The following ASXL1 variants were observed in gnomAD, a reference collection of about 807,000 sequenced individuals.
The protein encoded by ASXL1 is polycomb group protein ASXL1.
In ASXL1, 65 loss-of-function variants were observed where a neutral mutation model predicts 89.1. The ratio of observed to expected loss-of-function variants is 0.73; its 90% CI spans 0.60 to 0.90. ASXL1 has a LOEUF of 0.90. Among genes scored for constraint, ASXL1 ranks in the 40% least tolerant of loss-of-function variants. ASXL1 has a pLI of 0.00. For missense variants in ASXL1, 1,786 were observed against 1,942.9 expected (o/e 0.92, Z 1.52); for synonymous variants, 739 against 746.9 (o/e 0.99, Z 0.17).
Position 32,432,864 on chromosome 20 carries a change from G to A in ASXL1, c.980-16G>A, listed in dbSNP as rs772861363. ...ATCCCGAATGCACTTACTAGAAGAG[G>A]TTTATTTCTCCCTAGGTGAATTTAC... On this transcript the variant is annotated splice_polypyrimidine_tract_variant and intron_variant, in intron 10 of 12. Transcript: ENST00000375687. 1.5e-5 allele frequency: 24 copies of A among 1,613,328 alleles called. No individual in the cohort carries two copies. In the African/African-American group the frequency reaches 3.1e-4, roughly 21 times the overall value.
Position 32,435,289 on chromosome 20 carries a change from C to T in ASXL1, c.2577C>T (p.Asn859=), listed in dbSNP as rs967896927. Residue 859 remains asparagine, a synonymous_variant, in exon 13 of 13, where the codon AAC becomes AAT. Transcript: ENST00000375687. The part of the protein sequence containing the change: ...PESSPTDCLQ[N]RAFDDELGLG... The stretch of plus-strand genomic sequence containing the variant: ...CCTCACCGACTGATTGCCTGCAGAA[C>T]AGAGCATTTGATGACGAATTAGGGC... The T allele has an allele frequency of 1.9e-6, 3 of 1,614,036 alleles. No individual in the cohort carries two copies. In the African/African-American group the frequency reaches 4.0e-5, roughly 22 times the overall value.
intron 4 of ASXL1, among the ~76,000 whole-genome samples, chr20:32,398,995 T>C (rs972868335): frequency 6.6e-6 from 1 of 151,322 alleles, no homozygotes; most frequent in Non-Finnish European, 1.5e-5. Flanking sequence ...CCCAGCACTT[T>C]GGGAGGCCGA....
chr20:32,410,971 G>T (rs1006305540), intron 4 of ASXL1, among the ~76,000 whole-genome samples: 1 of 147,714 alleles, frequency 6.8e-6, no homozygotes, highest in African/African-American at 2.5e-5. Context: ...GATGGAGGTT[G>T]CAGTGAGCTG....
chr20:32,413,864 A>G (rs766707190), intron 4 of ASXL1, among the ~76,000 whole-genome samples: 2 of 152,214 alleles, frequency 1.3e-5, no homozygotes, highest in African/African-American at 2.4e-5. Context: ...CATTCTCTAC[A>G]CAATACATTT....
chr20:32,411,470 C>T lies in ASXL1; in HGVS notation c.253-16658C>T, dbSNP rs567233580. On this transcript the variant is annotated intron_variant, in intron 4 of 12. Coordinates refer to ENST00000375687, the MANE Select transcript of ASXL1 (RefSeq NM_015338.6). ...CTCCAACTCCTGGCCTCAAGCGATC[C>T]ACCCGCCTCAGCCTCCCAAAGTGCT... Among the ~76,000 whole-genome samples, 11 of 151,186 alleles carry T rather than the reference C, an allele frequency of 7.3e-5. No individual in the cohort carries two copies. The East Asian group carries it at 2.1e-3, about 29-fold the overall frequency.
At chr20:32,379,161 C>CTTTTTTTTTTTTTT (rs71187113) in intron 4 of ASXL1, among the ~76,000 whole-genome samples, 11 of 61,794 alleles carry the variant, frequency 1.8e-4, no homozygotes, top group Admixed American at 2.6e-4. Flanking sequence ...TAACTTCAGT[C>CTTTTTTTTTTTTTT]TTTTTTTTTT....
intron 1 of ASXL1, chr20:32,360,477 C>T (rs902987177): frequency 6.6e-6 from 1 of 152,362 alleles, no homozygotes; most frequent in Admixed American, 6.5e-5. Flanking sequence ...TCCTCCTCGA[C>T]AATGAGTTTT....
chr20:32,429,836 G>A lies in ASXL1; in HGVS notation c.566-65G>A, dbSNP rs2123220556. Reference sequence around the variant, plus strand: ...TCTCAGGGAGAGCTGGGAGAAATGAGCTTGTCTGAGAGCCATGGGCGCGGC... The same window carrying A: ...TCTCAGGGAGAGCTGGGAGAAATGAACTTGTCTGAGAGCCATGGGCGCGGC... On this transcript the variant is annotated intron_variant, in intron 7 of 12. Coordinates refer to ENST00000375687, the MANE Select transcript of ASXL1 (RefSeq NM_015338.6). The surrounding 1 kb of genome is among the most constrained non-coding windows in gnomAD (Gnocchi z 4.9). 1 of 1,581,156 alleles carries A rather than the reference G, an allele frequency of 6.3e-7. No homozygotes were observed. The highest frequency in any genetic ancestry group is 8.6e-7 in the Non-Finnish European group (1 of 1,165,580).
rs374899512 is a variant in ASXL1, at chr20:32,366,346, A to C, written c.58-38A>C. 10 of 1,535,856 alleles carry C rather than the reference A, an allele frequency of 6.5e-6. No homozygotes were observed. The African/African-American group carries it at 1.4e-4, about 21-fold the overall frequency. On this transcript the variant is annotated intron_variant, in intron 1 of 12. Coordinates refer to ENST00000375687, the MANE Select transcript of ASXL1 (RefSeq NM_015338.6). ...ATATGGATGGATGGATATAAATGGAAATTGCACACTGAAATTAGGACGTTT... is the reference window on the plus strand; with the variant it reads ...ATATGGATGGATGGATATAAATGGACATTGCACACTGAAATTAGGACGTTT...
At chr20:32,391,883 CAGTGCTT>C (rs374355764) in intron 4 of ASXL1, among the ~76,000 whole-genome samples, 11 of 152,008 alleles carry the variant, frequency 7.2e-5, no homozygotes, top group African/African-American at 2.7e-4. Flanking sequence ...CAGTTCTTTT[CAGTGCTT>C]AGTTTTTGCA....
At chr20:32,360,065 GCA>G in intron 1 of ASXL1, 4 of 376,726 alleles carry the variant, frequency 1.1e-5, no homozygotes, top group South Asian at 7.8e-5. Context: ...AAGGTGTTGT[GCA>G]AAAAAAAAAA....
intron 4 of ASXL1, among the ~76,000 whole-genome samples, chr20:32,376,330 A>G (rs1450972741): frequency 6.6e-6 from 1 of 151,982 alleles, no homozygotes; most frequent in Admixed American, 6.6e-5. Flanking sequence ...GCTGGAGTGC[A>G]GTGGCGCAAT....
intron 4 of ASXL1, among the ~76,000 whole-genome samples, chr20:32,369,739 T>TATTC (rs2048267392): frequency 6.8e-6 from 1 of 146,804 alleles, no homozygotes; most frequent in Non-Finnish European, 1.5e-5. Context: ...TTTTTTTTTT[T>TATTC]TTATTCTGAG....
intron 4 of ASXL1, among the ~76,000 whole-genome samples, chr20:32,406,741 A>G (rs2048962767): frequency 6.6e-6 from 1 of 152,044 alleles, no homozygotes; most frequent in South Asian, 2.1e-4. Flanking sequence ...TCTCCCATAT[A>G]CATGCCCTTC....
rs6057568 is a variant in ASXL1 at position 32,380,503 on chromosome 20, G to C, written c.252+11380G>C. ...GTGGTGTCTTACGCCTGTAATCCCAGTACTTTGGGAGCCCAAGGTGGGAGA... is the reference window on the plus strand; with the variant it reads ...GTGGTGTCTTACGCCTGTAATCCCACTACTTTGGGAGCCCAAGGTGGGAGA... On this transcript the variant is annotated intron_variant, in intron 4 of 12. Coordinates refer to ENST00000375687, the MANE Select transcript of ASXL1 (RefSeq NM_015338.6). Among the ~76,000 whole-genome samples the C allele has an allele frequency of 7.0e-3, 1,066 of 152,258 alleles. 12 individuals carry two copies. The highest frequency in any genetic ancestry group is 0.024 in the African/African-American group (977 of 41,542).
Position 32,436,170 on chromosome 20 carries a change from A to G in ASXL1, c.3458A>G (p.His1153Arg), listed in dbSNP as rs761116566. The G allele has an allele frequency of 1.9e-5, 30 of 1,614,102 alleles. No individual in the cohort carries two copies. The highest frequency in any genetic ancestry group is 1.3e-4 in the East Asian group (6 of 44,902). The change falls in exon 13 of 13, where the codon CAT becomes CGT. Residue 1153 changes from histidine (H) to arginine (R), a missense_variant. Transcript: ENST00000375687. Reference sequence around the variant, plus strand: ...GGCTCGCTACGCATGGGATCTTTACATGGTCTTGGAAAAAACAGTGGCATG... The same window carrying G: ...GGCTCGCTACGCATGGGATCTTTACGTGGTCTTGGAAAAAACAGTGGCATG... Reference protein sequence around the residue: ...SHGSLRMGSLHGLGKNSGMVD... With the variant: ...SHGSLRMGSLRGLGKNSGMVD...
At chr20:32,422,580 A>ATTT (rs11167168) in intron 4 of ASXL1, among the ~76,000 whole-genome samples, 2 of 108,044 alleles carry the variant, frequency 1.9e-5, no homozygotes, top group Admixed American at 1.0e-4. Context: ...GGATTGGTTA[A>ATTT]TTTTTTTTTT....
intron 4 of ASXL1, among the ~76,000 whole-genome samples, chr20:32,415,101 T>C (rs2049115607): frequency 2.0e-5 from 3 of 152,066 alleles, no homozygotes; most frequent in Admixed American, 1.3e-4. Flanking sequence ...CTCTACCTCC[T>C]GGGTTCAAGC....
intron 4 of ASXL1, among the ~76,000 whole-genome samples, chr20:32,407,750 G>C (rs2048980276): frequency 1.3e-5 from 2 of 151,960 alleles, no homozygotes; most frequent in South Asian, 4.1e-4. Flanking sequence ...CACCATGCCT[G>C]GCCTGGCCTG....
Sources: allele counts gnomAD v4.1 joint callset (sites outside exome capture counted in the v4.1 genomes callset), GRCh38; gene constraint gnomAD v4.1.1; non-coding constraint Gnocchi (gnomAD v3.1); transcripts MANE v1.5; gene names NCBI Gene and HGNC (gene_info 2026-07-23, HGNC 2026-07-21).